DIP2B: variants seen among roughly 807,000 people sequenced by gnomAD.
The protein encoded by DIP2B is DIP2 acetate--CoA ligase B (putative), also known as disco-interacting protein 2 homolog B.
DIP2B carries 76 observed loss-of-function variants against 198.0 expected under a neutral mutation model. The ratio of observed to expected loss-of-function variants is 0.38; its 90% CI spans 0.32 to 0.46. DIP2B has a LOEUF of 0.46. Ranked by LOEUF, DIP2B falls within the 20% of genes least tolerant of loss-of-function variation. The pLI is 0.99. For synonymous variants in DIP2B, 701 were observed against 739.1 expected (o/e 0.95, Z 0.84); for missense variants, 1,559 against 1,978.4 (o/e 0.79, Z 4.02).
chr12:50,583,472 C>G (rs547396937), intron 1 of DIP2B, among the ~76,000 whole-genome samples: 201 of 152,320 alleles, frequency 1.3e-3, no homozygotes, highest in Non-Finnish European at 1.8e-3. Flanking sequence ...CTTTCCTCCC[C>G]CATCTGCAGG....
intron 2 of DIP2B, among the ~76,000 whole-genome samples, chr12:50,635,862 T>A (rs1938150954): frequency 6.6e-6 from 1 of 152,092 alleles, no homozygotes; most frequent in South Asian, 2.1e-4. Flanking sequence ...TCTCAACATT[T>A]TTGTGTTTAT....
At chr12:50,605,448 C>T (rs935648060) in intron 1 of DIP2B, among the ~76,000 whole-genome samples, 9 of 152,012 alleles carry the variant, frequency 5.9e-5, no homozygotes, top group African/African-American at 1.5e-4. Context: ...TCCGTAGTCC[C>T]GCTACTGGGG....
chr12:50,689,752 C>T (rs981223020), intron 12 of DIP2B, among the ~76,000 whole-genome samples: 1 of 151,936 alleles, frequency 6.6e-6, no homozygotes, highest in Non-Finnish European at 1.5e-5. Flanking sequence ...CAAGGAGTTA[C>T]TAGGAATGCA....
At chr12:50,621,762 A>G (rs1174868036) in intron 1 of DIP2B, among the ~76,000 whole-genome samples, 1 of 152,174 alleles carries the variant, frequency 6.6e-6, no homozygotes, top group African/African-American at 2.4e-5. Context: ...GTAGTCAGAA[A>G]ACGGGGAGGG....
intron 30 of DIP2B, among the ~76,000 whole-genome samples, chr12:50,731,037 AG>A (rs753232561): frequency 1.9e-4 from 29 of 152,246 alleles, no homozygotes; most frequent in Non-Finnish European, 3.7e-4. Context: ...GAATAGAAAG[AG>A]GAAAAAATGC....
intron 1 of DIP2B, among the ~76,000 whole-genome samples, chr12:50,510,126 C>T (rs1415357674): frequency 6.6e-6 from 1 of 152,070 alleles, no homozygotes; most frequent in East Asian, 1.9e-4. Context: ...GGTTAATATT[C>T]TTTTAGAACC....
In DIP2B at chr12:50,748,237, T is replaced by A. The variant is rs909110853; in HGVS notation, c.*3398T>A. Reference sequence around the variant, plus strand: ...GCAATGAGGAGTTATCACCTCATCCTCAAACTCCAACAAGATCTATGCCTT... The same window carrying A: ...GCAATGAGGAGTTATCACCTCATCCACAAACTCCAACAAGATCTATGCCTT... On this transcript the variant is annotated 3_prime_UTR_variant, in exon 38 of 38. Coordinates refer to ENST00000301180, the MANE Select transcript of DIP2B (RefSeq NM_173602.3). 1 of 152,668 alleles carries A rather than the reference T, an allele frequency of 6.6e-6. No individual in the cohort carries two copies. The highest frequency in any genetic ancestry group is 2.4e-5 in the African/African-American group (1 of 41,466). The allele number at this position is 152,668 out of a possible 1,614,324, so 9.5% of individuals were successfully genotyped here.
intron 3 of DIP2B, 42 bp downstream of exon 3, chr12:50,640,894 A>G (rs1313931118): frequency 1.9e-6 from 3 of 1,600,868 alleles, no homozygotes; most frequent in Admixed American, 1.7e-5. Flanking sequence ...TCGTTTTCCT[A>G]ACAGTAGTAT....
intron 1 of DIP2B, among the ~76,000 whole-genome samples, chr12:50,535,931 G>A (rs1331850813): frequency 0.013 from 1,471 of 115,896 alleles, no homozygotes; most frequent in African/African-American, 0.013. Flanking sequence ...TCCCACCTAT[G>A]AGTGAGAATA....
intron 1 of DIP2B, among the ~76,000 whole-genome samples, chr12:50,594,085 T>G (rs1244672853): frequency 6.7e-6 from 1 of 149,320 alleles, no homozygotes; most frequent in Non-Finnish European, 1.5e-5. Flanking sequence ...GGATTACAGG[T>G]GTTTGCCACC....
Position 50,739,522 on chromosome 12 carries a change from A to G in DIP2B, c.4290A>G (p.Thr1430=), listed in dbSNP as rs1048334158. The change falls in exon 36 of 38, where the codon ACA becomes ACG. Residue 1430 remains threonine (T), a synonymous_variant. Coordinates refer to ENST00000301180, the MANE Select transcript of DIP2B (RefSeq NM_173602.3). The part of the protein sequence containing the change: ...TRLSFGDAAQ[T]LWARTGYLGF... ...TCAGCTTTGGAGATGCAGCTCAGAC[A>G]CTCTGGGCTCGGACAGGATACCTTG... 3.1e-6 allele frequency: 5 copies of G among 1,613,888 alleles called. No homozygotes were observed. The East Asian group carries it at 6.7e-5, about 22-fold the overall frequency.
At chr12:50,513,825 G>C (rs948383827) in intron 1 of DIP2B, among the ~76,000 whole-genome samples, 3 of 147,580 alleles carry the variant, frequency 2.0e-5, no homozygotes, top group African/African-American at 7.5e-5. Flanking sequence ...AGTGAGCTGA[G>C]ATCATGCCAC....
chr12:50,521,011 G>A (rs565351756), intron 1 of DIP2B, among the ~76,000 whole-genome samples: 3 of 149,902 alleles, frequency 2.0e-5, no homozygotes, highest in African/African-American at 4.9e-5. Flanking sequence ...CCTGGTTGAC[G>A]TTCCTCTCAT....
At chr12:50,557,100 G>A (rs111838971) in intron 1 of DIP2B, among the ~76,000 whole-genome samples, 2 of 152,192 alleles carry the variant, frequency 1.3e-5, no homozygotes, top group African/African-American at 4.8e-5. Flanking sequence ...GCCTGCCTCC[G>A]CTTCCCAAAG....
chr12:50,711,919 A>G (rs1321694492), intron 22 of DIP2B, among the ~76,000 whole-genome samples: 4 of 152,212 alleles, frequency 2.6e-5, no homozygotes, highest in African/African-American at 7.2e-5. Context: ...TTCTAGTCCC[A>G]ACAATTTGGG....
intron 1 of DIP2B, among the ~76,000 whole-genome samples, chr12:50,516,213 A>ATCTCTCTCTCTC (rs68059796): frequency 1.9e-4 from 25 of 128,620 alleles, no homozygotes; most frequent in African/African-American, 7.2e-4. Flanking sequence ...TAGAGGCACC[A>ATCTCTCTCTCTC]TCTCTCTCTC....
intron 1 of DIP2B, among the ~76,000 whole-genome samples, chr12:50,531,199 C>T (rs1958213937): frequency 6.6e-6 from 1 of 152,186 alleles, no homozygotes; most frequent in South Asian, 2.1e-4. Flanking sequence ...ATGCCTGTCA[C>T]CACGCCTGGC....
intron 3 of DIP2B, among the ~76,000 whole-genome samples, chr12:50,654,679 A>G (rs1252508679): frequency 6.6e-6 from 1 of 152,232 alleles, no homozygotes; most frequent in Non-Finnish European, 1.5e-5. Flanking sequence ...TTAAATAAAC[A>G]GAGAAGGCTG....
chr12:50,564,367 A>G (rs1958545684), intron 1 of DIP2B, among the ~76,000 whole-genome samples: 1 of 152,128 alleles, frequency 6.6e-6, no homozygotes, highest in Admixed American at 6.6e-5. Flanking sequence ...ATTTCTTTCA[A>G]TGTATGCATA....
Sources: allele counts gnomAD v4.1 joint callset (sites outside exome capture counted in the v4.1 genomes callset), GRCh38; gene constraint gnomAD v4.1.1; transcripts MANE v1.5; gene names NCBI Gene and HGNC (gene_info 2026-07-23, HGNC 2026-07-21).